Variants in SGCZ observed in about 807,000 individuals in gnomAD.
The protein encoded by SGCZ is sarcoglycan zeta.
In SGCZ, 40 loss-of-function variants were observed where a neutral mutation model predicts 41.3. The observed-to-expected ratio is 0.97, with a 90% CI of 0.75 to 1.26. The LOEUF (loss-of-function observed/expected upper bound fraction) is 1.26. SGCZ is among the 50% of genes most tolerant of loss of function. The pLI, the probability that SGCZ is intolerant of heterozygous loss-of-function variation, is 0.00. For synonymous variants in SGCZ, 206 were observed against 137.5 expected (o/e 1.50, Z -3.49); for missense variants, 552 against 369.8 (o/e 1.49, Z -4.04).
chr8:14,109,163 A>C (rs1232571813), intron 5 of SGCZ, among the ~76,000 whole-genome samples: 1 of 152,200 alleles, frequency 6.6e-6, no homozygotes, highest in Non-Finnish European at 1.5e-5. Context: ...GAACTGCTTT[A>C]AATTCTGGTG....
intron 1 of SGCZ, among the ~76,000 whole-genome samples, chr8:14,651,228 T>G (rs1187074724): frequency 6.6e-6 from 1 of 152,108 alleles, no homozygotes; most frequent in East Asian, 1.9e-4. Flanking sequence ...AGATTGCTCC[T>G]AAAAATTTAA....
At chr8:14,261,810 T>A (rs188048479) in intron 3 of SGCZ, among the ~76,000 whole-genome samples, 2 of 152,136 alleles carry the variant, frequency 1.3e-5, no homozygotes, top group African/African-American at 4.8e-5. Context: ...ACTAACTCTT[T>A]AGGATATAGA....
intron 3 of SGCZ, among the ~76,000 whole-genome samples, chr8:14,260,680 A>G (rs1293275484): frequency 6.6e-6 from 1 of 152,152 alleles, no homozygotes; most frequent in Non-Finnish European, 1.5e-5. Flanking sequence ...CTCAATAGCA[A>G]AGACTTAGAA....
chr8:14,898,203 A>G (rs1054864161), intron 1 of SGCZ, among the ~76,000 whole-genome samples: 2 of 151,882 alleles, frequency 1.3e-5, no homozygotes, highest in African/African-American at 4.8e-5. Context: ...TCCCACCTCA[A>G]CCTCCCAAAG....
chr8:14,994,455 G>A lies in SGCZ; in HGVS notation c.39+243130C>T, dbSNP rs750112809. 7.2e-5 allele frequency among the ~76,000 whole-genome samples: 11 copies of A among 152,230 alleles called. No individual in the cohort carries two copies. The South Asian group carries it at 1.7e-3, about 23-fold the overall frequency. ...AACAATTAGCTGGGCATGGCAGCAT[G>A]CGCCTGTAGTCCAAGCTACTGGGGA... On this transcript the variant is annotated intron_variant, in intron 1 of 7. Transcript: ENST00000382080.
chr8:15,137,406 A>G (rs1808153379), intron 1 of SGCZ, among the ~76,000 whole-genome samples: 1 of 152,224 alleles, frequency 6.6e-6, no homozygotes, highest in African/African-American at 2.4e-5. Flanking sequence ...AGTAACAAGG[A>G]GCAGAATGTT....
Position 14,975,903 on chromosome 8 carries a change from T to C in SGCZ, c.39+261682A>G, listed in dbSNP as rs62495379. Among the ~76,000 whole-genome samples the C allele has an allele frequency of 3.4e-5, 5 of 147,696 alleles. No homozygotes were observed. In the South Asian group the frequency reaches 8.5e-4, roughly 25 times the overall value. ...ACACACACACACACACACATATATA[T>C]ACACACACATATCTAAACATTGTTT... On this transcript the variant is annotated intron_variant, in intron 1 of 7. Coordinates refer to ENST00000382080, the MANE Select transcript of SGCZ (RefSeq NM_139167.4).
intron 1 of SGCZ, among the ~76,000 whole-genome samples, chr8:14,754,967 C>T (rs565667062): frequency 6.6e-5 from 10 of 152,200 alleles, no homozygotes; most frequent in South Asian, 4.2e-4. Context: ...TGAGCTCAAG[C>T]GATCCTCCCA....
rs115181977 is a variant in SGCZ at position 14,697,512 on chromosome 8, G to A, written c.40-142586C>T. On this transcript the variant is annotated intron_variant, in intron 1 of 7. Transcript: ENST00000382080. Reference sequence around the variant, plus strand: ...AACACACACAAAAGGTGCAATCCATGTAGTTAAAAAGTGTATAAACTTGTT... The same window carrying A: ...AACACACACAAAAGGTGCAATCCATATAGTTAAAAAGTGTATAAACTTGTT... 2.1e-3 allele frequency among the ~76,000 whole-genome samples: 323 copies of A among 152,104 alleles called. 1 individual carries two copies. Among genetic ancestry groups the A allele is most frequent in the Middle Eastern group, 6.8e-3 (2 of 294 alleles).
At chr8:14,517,287 T>A (rs1302024061) in intron 2 of SGCZ, among the ~76,000 whole-genome samples, 1 of 152,082 alleles carries the variant, frequency 6.6e-6, no homozygotes, top group African/African-American at 2.4e-5. Flanking sequence ...AAACTAAACT[T>A]GGGCAAGATC....
At chr8:14,835,187 G>C (rs1409315600) in intron 1 of SGCZ, among the ~76,000 whole-genome samples, 1 of 152,168 alleles carries the variant, frequency 6.6e-6, no homozygotes, top group Non-Finnish European at 1.5e-5. Context: ...TGGGTTACAG[G>C]TGTAGGAAAG....
chr8:14,639,286 T>A (rs1806941372), intron 1 of SGCZ, among the ~76,000 whole-genome samples: 1 of 151,652 alleles, frequency 6.6e-6, no homozygotes, highest in African/African-American at 2.4e-5. Context: ...TATTAGTGCC[T>A]TACCACTAAT....
chr8:14,182,547 C>A (rs972266080), intron 4 of SGCZ, among the ~76,000 whole-genome samples: 2 of 152,112 alleles, frequency 1.3e-5, no homozygotes, highest in African/African-American at 4.8e-5. Flanking sequence ...GGTCTCTGCT[C>A]CTTCTCAATC....
intron 1 of SGCZ, among the ~76,000 whole-genome samples, chr8:15,155,466 C>A (rs1585620376): frequency 6.6e-6 from 1 of 152,236 alleles, no homozygotes; most frequent in East Asian, 1.9e-4. Flanking sequence ...CTTGACCTAG[C>A]AACTTCAATT....
chr8:14,591,930 G>A (rs1585106769), intron 1 of SGCZ, among the ~76,000 whole-genome samples: 2 of 152,074 alleles, frequency 1.3e-5, no homozygotes, highest in East Asian at 3.9e-4. Context: ...GCCACAGGGA[G>A]GACAGCAGCT....
chr8:14,706,050 T>C (rs532140677), intron 1 of SGCZ, among the ~76,000 whole-genome samples: 5 of 152,140 alleles, frequency 3.3e-5, no homozygotes, highest in African/African-American at 1.2e-4. Flanking sequence ...ATTTTTCTTT[T>C]ATTGGGCACC....
intron 3 of SGCZ, among the ~76,000 whole-genome samples, chr8:14,246,953 T>C (rs1799118482): frequency 1.3e-5 from 2 of 151,098 alleles, no homozygotes; most frequent in South Asian, 4.2e-4. Context: ...ATATTTGAAA[T>C]TCATTTCCTT....
At chr8:14,901,564 G>A (rs766193414) in intron 1 of SGCZ, among the ~76,000 whole-genome samples, 2 of 152,048 alleles carry the variant, frequency 1.3e-5, no homozygotes, top group African/African-American at 2.4e-5. Context: ...TCTGTAAAAT[G>A]TGTGAAGGAC....
intron 1 of SGCZ, among the ~76,000 whole-genome samples, chr8:14,697,617 T>C (rs775163703): frequency 7.9e-5 from 12 of 152,006 alleles, no homozygotes; most frequent in Non-Finnish European, 1.5e-5. Context: ...ATAGTGTTTA[T>C]TAAATTCCAT....
Sources: gnomAD v4.1 joint callset for allele counts (sites outside exome capture counted in the v4.1 genomes callset) on GRCh38, gnomAD v4.1.1 for gene constraint, MANE v1.5 for transcripts, NCBI Gene and HGNC (gene_info 2026-07-23, HGNC 2026-07-21) for gene names.